The following SGCZ variants were observed in gnomAD, a reference collection of about 807,000 sequenced individuals.
SGCZ encodes zeta-sarcoglycan.
In SGCZ, 40 loss-of-function variants were observed where a neutral mutation model predicts 41.3. The ratio of observed to expected loss-of-function variants is 0.97; its 90% CI spans 0.75 to 1.26. The LOEUF (loss-of-function observed/expected upper bound fraction) is 1.26, where lower values mean the gene tolerates loss of function less well. Among genes scored for constraint, SGCZ ranks in the 50% most tolerant of loss-of-function variants. The probability of loss-of-function intolerance (pLI) is 0.00; values close to 1 mark genes in which losing one functional copy is unlikely to be tolerated. For missense variants in SGCZ, 552 were observed against 369.8 expected (o/e 1.49, Z -4.04); for synonymous variants, 206 against 137.5 (o/e 1.50, Z -3.49).
At chr8:14,393,740 C>G (rs185941718) in intron 2 of SGCZ, among the ~76,000 whole-genome samples, 2 of 152,246 alleles carry the variant, frequency 1.3e-5, no homozygotes, top group African/African-American at 4.8e-5. Context: ...GACAACAAAC[C>G]CCAGGGTATA....
intron 1 of SGCZ, among the ~76,000 whole-genome samples, chr8:15,018,238 A>G (rs1372356505): frequency 6.6e-6 from 1 of 152,190 alleles, no homozygotes; most frequent in Non-Finnish European, 1.5e-5. Context: ...AACTTTCACG[A>G]TAGGACAGAC....
At chr8:14,322,027 GGT>G (rs1394748691) in intron 3 of SGCZ, among the ~76,000 whole-genome samples, 2 of 152,050 alleles carry the variant, frequency 1.3e-5, no homozygotes, top group East Asian at 3.8e-4. Flanking sequence ...TAATGTGAGA[GGT>G]GCTTATAAAA....
intron 2 of SGCZ, among the ~76,000 whole-genome samples, chr8:14,424,098 A>C (rs1280378091): frequency 6.6e-6 from 1 of 152,202 alleles, no homozygotes; most frequent in Admixed American, 6.5e-5. Flanking sequence ...GTCTGCTGAT[A>C]GAAAATTCAG....
At chr8:15,182,866 C>T (rs1292535454) in intron 1 of SGCZ, among the ~76,000 whole-genome samples, 1 of 152,216 alleles carries the variant, frequency 6.6e-6, no homozygotes, top group Non-Finnish European at 1.5e-5. Flanking sequence ...AACACAAACA[C>T]ATTGTACGGC....
At chr8:14,267,314 A>G (rs1799907022) in intron 3 of SGCZ, among the ~76,000 whole-genome samples, 1 of 152,070 alleles carries the variant, frequency 6.6e-6, no homozygotes, top group Admixed American at 6.5e-5. Context: ...TCAATGAGCA[A>G]AATAACCCCA....
At chr8:14,416,380 A>G (rs1799493547) in intron 2 of SGCZ, among the ~76,000 whole-genome samples, 1 of 151,898 alleles carries the variant, frequency 6.6e-6, no homozygotes, top group African/African-American at 2.4e-5. Context: ...TATTTTTAAC[A>G]AATGATCTTA....
chr8:14,581,942 G>C (rs930552787), intron 1 of SGCZ, among the ~76,000 whole-genome samples: 1 of 152,072 alleles, frequency 6.6e-6, no homozygotes. Context: ...GAGTGTGCCT[G>C]TCTCTCATGC....
intron 1 of SGCZ, among the ~76,000 whole-genome samples, chr8:15,097,581 C>A (rs1044171760): frequency 1.3e-5 from 2 of 151,572 alleles, no homozygotes; most frequent in Non-Finnish European, 2.9e-5. Context: ...GAAACCCCAT[C>A]TCTACAAAAA....
intron 4 of SGCZ, among the ~76,000 whole-genome samples, chr8:14,179,436 G>A (rs1376059879): frequency 1.3e-5 from 2 of 152,244 alleles, no homozygotes; most frequent in South Asian, 2.1e-4. Context: ...GGCCTACAGT[G>A]GACTTTTCAG....
rs576007553 is a variant in SGCZ, at chr8:14,894,278, A to T, written c.40-339352T>A. Among the ~76,000 whole-genome samples, 10 of 152,286 alleles carry T rather than the reference A, an allele frequency of 6.6e-5. 1 individual carries two copies. In the South Asian group the frequency reaches 2.1e-3, roughly 32 times the overall value. On this transcript the variant is annotated intron_variant, in intron 1 of 7. Coordinates refer to ENST00000382080, the MANE Select transcript of SGCZ (RefSeq NM_139167.4). ...TAAGTTAAGCAACTATAGTTAATGA[A>T]TGGTTCTCCCATAACCTCTCTCAGT...
At chr8:14,457,112 C>A (rs1355300697) in intron 2 of SGCZ, among the ~76,000 whole-genome samples, 1 of 152,304 alleles carries the variant, frequency 6.6e-6, no homozygotes, top group East Asian at 1.9e-4. Flanking sequence ...ATATACCTCT[C>A]AGATATGATT....
chr8:14,737,103 C>A (rs1033248881), intron 1 of SGCZ, among the ~76,000 whole-genome samples: 1 of 137,778 alleles, frequency 7.3e-6, no homozygotes, highest in African/African-American at 2.9e-5. Context: ...ATCTATATAC[C>A]AGATACATAA....
At chr8:14,576,885 T>C (rs1015957119) in intron 1 of SGCZ, among the ~76,000 whole-genome samples, 2 of 152,232 alleles carry the variant, frequency 1.3e-5, no homozygotes, top group African/African-American at 4.8e-5. Flanking sequence ...GAAGGAGCTA[T>C]GAAGGATGGA....
intron 1 of SGCZ, among the ~76,000 whole-genome samples, chr8:14,907,577 G>C (rs1297322552): frequency 6.6e-6 from 1 of 152,066 alleles, no homozygotes; most frequent in African/African-American, 2.4e-5. Context: ...ATAAAGGCTG[G>C]ACAACAGTGA....
At chr8:14,097,476 A>G (rs1204740085) in intron 7 of SGCZ, among the ~76,000 whole-genome samples, 1 of 151,664 alleles carries the variant, frequency 6.6e-6, no homozygotes. Flanking sequence ...TGGTTTCCAT[A>G]CTTTTGCATT....
At chr8:15,012,743 G>T (rs1345308013) in intron 1 of SGCZ, among the ~76,000 whole-genome samples, 2 of 144,416 alleles carry the variant, frequency 1.4e-5, no homozygotes, top group African/African-American at 2.6e-5. Flanking sequence ...ATATGTTATA[G>T]AATATAAATA....
At chr8:14,126,206 G>C (rs920810128) in intron 5 of SGCZ, among the ~76,000 whole-genome samples, 1 of 152,038 alleles carries the variant, frequency 6.6e-6, no homozygotes, top group Non-Finnish European at 1.5e-5. Flanking sequence ...CTACAGAATG[G>C]GAGAAAATAT....
At chr8:14,538,405 T>C (rs1437634220) in intron 2 of SGCZ, among the ~76,000 whole-genome samples, 1 of 151,832 alleles carries the variant, frequency 6.6e-6, no homozygotes, top group Non-Finnish European at 1.5e-5. Context: ...GTATTCAATA[T>C]GATGTAAATG....
At chr8:14,826,883 C>T (rs1195565543) in intron 1 of SGCZ, among the ~76,000 whole-genome samples, 3 of 152,064 alleles carry the variant, frequency 2.0e-5, no homozygotes, top group African/African-American at 7.2e-5. Context: ...ATTCTGTAGG[C>T]TGCCTGTTCA....
Sources: gnomAD v4.1 joint callset for allele counts (sites outside exome capture counted in the v4.1 genomes callset) on GRCh38, gnomAD v4.1.1 for gene constraint, MANE v1.5 for transcripts, NCBI Gene and HGNC (gene_info 2026-07-23, HGNC 2026-07-21) for gene names.